Variants in ARSD observed in about 807,000 individuals in gnomAD.
The protein encoded by ARSD is testis tissue sperm-binding protein Li 39a.
A neutral mutation model predicts 32.6 loss-of-function variants in ARSD; 21 were observed. That is an observed-to-expected ratio of 0.64 (90% CI 0.46 to 0.93). The LOEUF is 0.93. Ranked by LOEUF, ARSD falls within the 40% of genes least tolerant of loss-of-function variation. The pLI, the probability that ARSD is intolerant of heterozygous loss-of-function variation, is 0.00. For synonymous variants in ARSD, 224 were observed against 237.4 expected (o/e 0.94, Z 0.52); for missense variants, 454 against 520.9 (o/e 0.87, Z 1.25).
chrX:2,920,286 C>A, intron 4 of ARSD: 1 of 272,516 alleles, frequency 3.7e-6, no homozygotes. Context: ...TGGGGACAAT[C>A]CAATAGGCAT....
rs142876577 is a variant in ARSD, at chrX:2,925,311, G to A, written c.194+305C>T. On this transcript the variant is annotated intron_variant, in intron 2 of 9. Coordinates refer to ENST00000381154, the MANE Select transcript of ARSD (RefSeq NM_001669.4). The stretch of plus-strand genomic sequence containing the variant: ...GAGCCCCCAGGAGCTGGGAAAGTCC[G>A]GAAGGATCCTCCCATAGGGCCCCCA... 8.3e-3 allele frequency among the ~76,000 whole-genome samples: 936 copies of A among 112,665 alleles called. 9 individuals are homozygous for A. Among genetic ancestry groups the A allele is most frequent in the African/African-American group, 0.029 (895 of 31,095 alleles).
At chrX:2,911,705 A>G (rs956726135) in intron 6 of ARSD, among the ~76,000 whole-genome samples, 2 of 109,882 alleles carry the variant, frequency 1.8e-5, no homozygotes, top group African/African-American at 6.6e-5. Flanking sequence ...AACCAAAAGA[A>G]ACAAAAAACA....
chrX:2,908,651 C>T, intron 9 of ARSD, 70 bp downstream of exon 9: 1 of 1,055,813 alleles, frequency 9.5e-7, no homozygotes, highest in Non-Finnish European at 1.3e-6. Flanking sequence ...TCCATCCATC[C>T]ATCCACATAT....
At position 2,929,289 on chromosome X, in the gene ARSD, C is replaced by T. The variant is rs1481567357; in HGVS notation, c.-14G>A. 3.0e-6 allele frequency: 3 copies of T among 999,401 alleles called. No individual in the cohort carries two copies. The East Asian group carries it at 1.2e-4, about 41-fold the overall frequency. The allele number at this position is 999,401 out of a possible 1,213,427, so 82.4% of individuals were successfully genotyped here. ...GGCGGATCGCATGGCCGAGCGCTGG[C>T]CCAGAGCGCAGGACCTTGCCCTGCG... is the stretch of plus-strand genomic sequence containing the variant. On this transcript the variant is annotated 5_prime_UTR_variant, in exon 1 of 10. Coordinates refer to ENST00000381154, the MANE Select transcript of ARSD (RefSeq NM_001669.4).
In ARSD at chrX:2,918,532, C is replaced by T. The variant is rs369885594; in HGVS notation, c.440-305G>A. ...TTGGGAGGCCGAGGCGGGCGGATCA[C>T]GAGGTCAGGAAATCGAGACCATCCT... On this transcript the variant is annotated intron_variant, in intron 4 of 9. Transcript: ENST00000381154. Among the ~76,000 whole-genome samples, 10 of 111,206 alleles carry T rather than the reference C, an allele frequency of 9.0e-5. No individual in the cohort carries two copies. The East Asian group carries it at 2.6e-3, about 29-fold the overall frequency.
At chrX:2,924,903 T>C (rs1356955821) in intron 2 of ARSD, among the ~76,000 whole-genome samples, 1 of 110,082 alleles carries the variant, frequency 9.1e-6, no homozygotes, top group African/African-American at 3.3e-5. Flanking sequence ...GGAAGGGTCC[T>C]CCCCTACAGC....
Position 2,921,780 on chromosome X carries a change from T to C in ARSD, c.316+123A>G, listed in dbSNP as rs1344102717. On this transcript the variant is annotated intron_variant, in intron 3 of 9. Coordinates refer to ENST00000381154, the MANE Select transcript of ARSD (RefSeq NM_001669.4). ...CCTTACATAAATACAAGGAAGACGA[T>C]GAATTGCAGGTGATCTTTGTACCAT... 8.1e-6 allele frequency: 7 copies of C among 860,166 alleles called. No individual in the cohort carries two copies. In the East Asian group the frequency reaches 1.6e-4, roughly 20 times the overall value. The allele number at this position is 860,166 out of a possible 1,213,427, so 70.9% of individuals were successfully genotyped here.
chrX:2,907,562 GCCGTAGCAGGCCC>G lies in ARSD; in HGVS notation c.1478_1490del (p.Gly493AlafsTer12), dbSNP rs1569085071. 3 of 1,149,049 alleles carry G rather than the reference GCCGTAGCAGGCCC, an allele frequency of 2.6e-6. No individual in the cohort carries two copies. The highest frequency in any genetic ancestry group is 3.5e-6 in the Non-Finnish European group (3 of 863,285). 94.7% of individuals were successfully genotyped at this position (1,149,049 alleles called of 1,213,427 possible). On this transcript the variant is annotated frameshift_variant, in exon 10 of 10. Coordinates refer to ENST00000381154, the MANE Select transcript of ARSD (RefSeq NM_001669.4). LOFTEE classifies it low-confidence loss of function (END_TRUNC). ...CCCCGGAGCATGGGCAGACGCCTCGGCCGTAGCAGGCCCCCGCTCCCTCGGGGTGGAACTGCGG... is the reference window on the plus strand; with the variant it reads ...CCCCGGAGCATGGGCAGACGCCTCGGCCGCTCCCTCGGGGTGGAACTGCGG...
intron 9 of ARSD, among the ~76,000 whole-genome samples, 187 bp downstream of exon 9, chrX:2,908,533 CT>C (rs1227322959): frequency 1.0e-4 from 8 of 80,212 alleles, no homozygotes; most frequent in African/African-American, 4.7e-4. Flanking sequence ...CTCTCTCTCT[CT>C]CCCCCCCCCA....
intron 6 of ARSD, chrX:2,914,007 C>T (rs1569087351): frequency 6.3e-6 from 3 of 475,193 alleles, no homozygotes; most frequent in Non-Finnish European, 7.9e-6. Context: ...CAAAAGCTCC[C>T]CGAGGTCTCC....
At chrX:2,918,629 A>G (rs1345755253) in intron 4 of ARSD, among the ~76,000 whole-genome samples, 1 of 110,690 alleles carries the variant, frequency 9.0e-6, no homozygotes, top group Non-Finnish European at 1.9e-5. Context: ...AGTCCCAGCT[A>G]CTCGGGAGGC....
At chrX:2,919,273 G>C (rs1336644340) in intron 4 of ARSD, among the ~76,000 whole-genome samples, 1 of 104,206 alleles carries the variant, frequency 9.6e-6, no homozygotes, top group Non-Finnish European at 1.9e-5. Context: ...TCCTGTGAAT[G>C]GGACAGTGGC....
intron 8 of ARSD, 103 bp downstream of exon 8, chrX:2,909,710 TTATG>T: frequency 2.8e-6 from 2 of 723,201 alleles, no homozygotes; most frequent in Non-Finnish European, 3.7e-6. Flanking sequence ...AAAAGCTTAT[TTATG>T]TAACCAAATA....
Position 2,918,101 on chromosome X carries a change from G to A in ARSD, c.566C>T (p.Pro189Leu), listed in dbSNP as rs751479807. The A allele has an allele frequency of 9.2e-6, 11 of 1,199,574 alleles. No individual in the cohort carries two copies. In the African/African-American group the frequency reaches 1.6e-4, roughly 17 times the overall value. ...TLTNDCDPGR[P>L]PEVDAALRAQ... Reference sequence around the variant, plus strand: ...CCTCAGGGCGGCGTCCACTTCGGGGGGCCTGCCTGGGTCACAGTCGTTTGT... The same window carrying A: ...CCTCAGGGCGGCGTCCACTTCGGGGAGCCTGCCTGGGTCACAGTCGTTTGT... The change falls in exon 5 of 10, where the codon CCC (proline) becomes CTC (leucine). Residue 189 changes from proline (P) to leucine (L), a missense_variant. Around this residue, in one of 3 missense-constraint regions of ARSD, gnomAD observed 271 missense variants for 301.0 expected, o/e 0.90. Transcript: ENST00000381154.
At chrX:2,909,789 G>T (rs1401120257) in intron 8 of ARSD, 28 bp downstream of exon 8, 2 of 1,116,605 alleles carry the variant, frequency 1.8e-6, no homozygotes, top group Non-Finnish European at 2.4e-6. Context: ...AAAAAAATCA[G>T]GGAACAGGCA....
In ARSD at chrX:2,914,423, G is replaced by C. The variant is rs893311954; in HGVS notation, c.1000+1133C>G. The C allele has an allele frequency of 7.3e-4, 363 of 495,740 alleles. 3 individuals carry two copies. Among genetic ancestry groups the C allele is most frequent in the South Asian group, 2.9e-3 (45 of 15,535 alleles). The allele number at this position is 495,740 out of a possible 1,213,427, so 40.9% of individuals were successfully genotyped here. A position where few individuals can be genotyped will look rare whatever the true frequency, so the allele number is the denominator to read the frequency against. On this transcript the variant is annotated intron_variant, in intron 6 of 9. Coordinates refer to ENST00000381154, the MANE Select transcript of ARSD (RefSeq NM_001669.4). ...TTTTAAATTTTTTGTAGAGATGGGG[G>C]GGGGGGGCGTCTCACTATGTTGCCC...
In ARSD at chrX:2,922,238, A is replaced by T. The variant is rs113934022; in HGVS notation, c.195-214T>A. On this transcript the variant is annotated intron_variant, in intron 2 of 9. Coordinates refer to ENST00000381154, the MANE Select transcript of ARSD (RefSeq NM_001669.4). ...ATCTCTCTCTCTCTCTCTCTCTCTC[A>T]CACACACACACACACACAAAGTATA... Among the ~76,000 whole-genome samples the T allele has an allele frequency of 3.5e-3, 371 of 106,696 alleles. 3 individuals are homozygous for T. Among genetic ancestry groups the T allele is most frequent in the African/African-American group, 9.7e-3 (286 of 29,473 alleles). The allele number at this position is 106,696 out of a possible 115,157, so 92.7% of individuals were successfully genotyped here. A position where few individuals can be genotyped will look rare whatever the true frequency, so the allele number is the denominator to read the frequency against.
At chrX:2,925,515 T>C (rs2089074291) in intron 2 of ARSD, 101 bp downstream of exon 2, 8 of 954,648 alleles carry the variant, frequency 8.4e-6, no homozygotes, top group Non-Finnish European at 1.1e-5. Context: ...TGTTGAGTTC[T>C]GAGGCCCTAA....
chrX:2,929,325 C>T lies in ARSD; in HGVS notation c.-50G>A, dbSNP rs1355840919. ...GGACCTTGCCCTGCGCACTCCGCGC[C>T]CGGGCGCCGCTAGTGCCAAGGCTTC... On this transcript the variant is annotated 5_prime_UTR_variant, in exon 1 of 10. Coordinates refer to ENST00000381154, the MANE Select transcript of ARSD (RefSeq NM_001669.4). 1 of 923,468 alleles carries T rather than the reference C, an allele frequency of 1.1e-6. No individual in the cohort carries two copies. The highest frequency in any genetic ancestry group is 1.4e-6 in the Non-Finnish European group (1 of 740,573). 76.1% of individuals were successfully genotyped at this position (923,468 alleles called of 1,213,427 possible). A position where few individuals can be genotyped will look rare whatever the true frequency, so the allele number is the denominator to read the frequency against.
Sources: gnomAD v4.1 joint callset for allele counts (sites outside exome capture counted in the v4.1 genomes callset) on GRCh38, gnomAD v4.1.1 for gene constraint, gnomAD v4.1.1 regional missense constraint, MANE v1.5 for transcripts, NCBI Gene and HGNC (gene_info 2026-07-23, HGNC 2026-07-21) for gene names.